Variants in BIRC6 observed in about 807,000 individuals in gnomAD.
BIRC6 encodes the protein dual E2 ubiquitin-conjugating enzyme/E3 ubiquitin-protein ligase BIRC6.
BIRC6 carries 98 observed loss-of-function variants against 503.3 expected under a neutral mutation model. That is an observed-to-expected ratio of 0.19 (90% CI 0.17 to 0.23). The LOEUF is 0.23. Among genes scored for constraint, BIRC6 ranks in the 10% least tolerant of loss-of-function variants. BIRC6 has a pLI of 1.00. For synonymous variants in BIRC6, 2,240 were observed against 2,078.7 expected, an observed-to-expected ratio of 1.08 and a Z score of -2.11; for missense variants, 5,360 against 5,806.0, an observed-to-expected ratio of 0.92 and a Z score of 2.50.
intron 55 of BIRC6, among the ~76,000 whole-genome samples, chr2:32,516,594 A>AG (rs1432639697): frequency 5.8e-5 from 1 of 17,122 alleles, no homozygotes; most frequent in Non-Finnish European, 1.4e-4. Flanking sequence ...ACTCCATCTC[A>AG]AAAAAAAAAA....
chr2:32,375,077 A>G (rs2036548819), intron 1 of BIRC6, among the ~76,000 whole-genome samples: 1 of 152,214 alleles, frequency 6.6e-6, no homozygotes, highest in South Asian at 2.1e-4. Flanking sequence ...GTGTATATGT[A>G]TGTCTAAGTA....
intron 39 of BIRC6, among the ~76,000 whole-genome samples, chr2:32,484,644 C>T (rs2050798921): frequency 6.6e-6 from 1 of 150,662 alleles, no homozygotes. Context: ...TTTTTTTATT[C>T]AGTGAATTAT....
At chr2:32,375,044 T>C (rs1241519051) in intron 1 of BIRC6, among the ~76,000 whole-genome samples, 1 of 152,208 alleles carries the variant, frequency 6.6e-6, no homozygotes, top group East Asian at 1.9e-4. Flanking sequence ...TTTTATACTT[T>C]TCAGCATACA....
intron 21 of BIRC6, 26 bp downstream of exon 21, chr2:32,445,694 T>A: frequency 6.9e-7 from 1 of 1,444,912 alleles, no homozygotes; most frequent in Non-Finnish European, 9.2e-7. Flanking sequence ...TAATGACTAA[T>A]AATAGGCGTC....
At chr2:32,494,197 A>G (rs949738054) in intron 45 of BIRC6, among the ~76,000 whole-genome samples, 2 of 151,582 alleles carry the variant, frequency 1.3e-5, no homozygotes, top group African/African-American at 4.8e-5. Context: ...TTTATTCTAT[A>G]TTTCTTAAAA....
chr2:32,401,109 C>G (rs2040557913), intron 6 of BIRC6, 54 bp from the exon 7 acceptor site: 1 of 1,475,358 alleles, frequency 6.8e-7, no homozygotes, highest in Admixed American at 1.8e-5. Flanking sequence ...TTTTAATGTA[C>G]AAACTGAATT....
chr2:32,372,098 G>A (rs114006083), intron 1 of BIRC6, among the ~76,000 whole-genome samples: 11 of 152,054 alleles, frequency 7.2e-5, no homozygotes, highest in African/African-American at 1.7e-4. Context: ...AAGGCATTGC[G>A]CTTGGGTGTG....
rs756908298 is a variant in BIRC6, at chr2:32,477,627, A to T, written c.7068+44A>T. ...TAGACTTACAGGGTTGGCCGGGCGCAGTGGCTCATGCCTGTAATCCCAGCA... is the reference window on the plus strand; with the variant it reads ...TAGACTTACAGGGTTGGCCGGGCGCTGTGGCTCATGCCTGTAATCCCAGCA... On this transcript the variant is annotated intron_variant, in intron 35 of 73. Transcript: ENST00000421745. 11 of 1,486,852 alleles carry T rather than the reference A, an allele frequency of 7.4e-6. 1 individual carries two copies. Among genetic ancestry groups the T allele is most frequent in the Non-Finnish European group, 9.2e-6 (10 of 1,081,416 alleles). The allele number at this position is 1,486,852 out of a possible 1,614,324, so 92.1% of individuals were successfully genotyped here.
At chr2:32,538,041 G>T (rs1341396852) in intron 61 of BIRC6, among the ~76,000 whole-genome samples, 1 of 151,974 alleles carries the variant, frequency 6.6e-6, no homozygotes, top group Non-Finnish European at 1.5e-5. Context: ...AAATTAAAGA[G>T]GATTTTAACA....
At chr2:32,502,209 G>A (rs1405468020) in intron 47 of BIRC6, among the ~76,000 whole-genome samples, 5 of 152,092 alleles carry the variant, frequency 3.3e-5, no homozygotes, top group African/African-American at 9.7e-5. Flanking sequence ...CTCCATAGAT[G>A]TTATGTAAGA....
intron 35 of BIRC6, among the ~76,000 whole-genome samples, chr2:32,478,144 A>G (rs1244020979): frequency 6.6e-6 from 1 of 151,994 alleles, no homozygotes; most frequent in Non-Finnish European, 1.5e-5. Context: ...TGAGACCATC[A>G]TGGCCAACAT....
At chr2:32,545,937 GAATT>G in intron 63 of BIRC6, 77 bp downstream of exon 63, 2 of 1,324,150 alleles carry the variant, frequency 1.5e-6, no homozygotes, top group East Asian at 2.5e-5. Flanking sequence ...GTTTTTTTCT[GAATT>G]AATCTTTCAG....
intron 23 of BIRC6, among the ~76,000 whole-genome samples, chr2:32,459,593 G>A (rs1317328903): frequency 6.6e-6 from 1 of 151,926 alleles, no homozygotes; most frequent in Non-Finnish European, 1.5e-5. Flanking sequence ...TTAAAATTTA[G>A]GGCCTTTATG....
At chr2:32,482,300 G>T in intron 38 of BIRC6, 129 bp from the exon 39 acceptor site, 2 of 926,588 alleles carry the variant, frequency 2.2e-6, no homozygotes, top group Non-Finnish European at 3.2e-6. Context: ...ATTATAAGGG[G>T]ATTTGGGAAA....
rs1491344127 is a variant in BIRC6 at position 32,385,232 on chromosome 2, A to ATAT, written c.646-3513_646-3511dup. Among the ~76,000 whole-genome samples the ATAT allele has an allele frequency of 3.9e-5, 6 of 152,202 alleles. No homozygotes were observed. In the East Asian group the frequency reaches 1.2e-3, roughly 29 times the overall value. ...TCAGGGCCAAGAGTATTTTCCCCTC[A>ATAT]TATTATTTCATCATAAGGAGTTCCC... On this transcript the variant is annotated intron_variant, in intron 3 of 73. Transcript: ENST00000421745.
At chr2:32,421,403 C>G (rs549392592) in intron 10 of BIRC6, among the ~76,000 whole-genome samples, 1 of 152,228 alleles carries the variant, frequency 6.6e-6, no homozygotes, top group East Asian at 1.9e-4. Flanking sequence ...CCGCGCTGGC[C>G]TTCTTTAGTT....
Position 32,452,818 on chromosome 2 carries a change from G to A in BIRC6, c.4619-990G>A, listed in dbSNP as rs556334726. ...TAGAATATAGTCTTCGTGAGGACTG[G>A]GACTTACCTTTTATTCTTCTGTCTC... On this transcript the variant is annotated intron_variant, in intron 22 of 73. Transcript: ENST00000421745. 3.6e-4 allele frequency among the ~76,000 whole-genome samples: 55 copies of A among 152,132 alleles called. 1 individual carries two copies. Among genetic ancestry groups the A allele is most frequent in the African/African-American group, 1.3e-3 (54 of 41,526 alleles).
chr2:32,447,501 G>A (rs1435345166), intron 21 of BIRC6, among the ~76,000 whole-genome samples: 5 of 136,218 alleles, frequency 3.7e-5, no homozygotes, highest in African/African-American at 1.4e-4. Context: ...CCTCCCTCCC[G>A]GACGGGGCGG....
At position 32,618,072 on chromosome 2, in the gene BIRC6, A is replaced by G; in HGVS notation, c.*168A>G. 1.6e-6 allele frequency: 1 copy of G among 613,634 alleles called. No individual in the cohort carries two copies. The highest frequency in any genetic ancestry group is 2.5e-6 in the Non-Finnish European group (1 of 396,202). 38.0% of individuals were successfully genotyped at this position (613,634 alleles called of 1,614,324 possible). A position where few individuals can be genotyped will look rare whatever the true frequency, so the allele number is the denominator to read the frequency against. On this transcript the variant is annotated 3_prime_UTR_variant, in exon 74 of 74. Coordinates refer to ENST00000421745, the MANE Select transcript of BIRC6 (RefSeq NM_016252.4). ...AAGGTGATCTTTTATTTACCTGTAC[A>G]GGAGTGTAAACTTTTTTGTGCTTTT...
Sources: allele counts gnomAD v4.1 joint callset (sites outside exome capture counted in the v4.1 genomes callset), GRCh38; gene constraint gnomAD v4.1.1; transcripts MANE v1.5; gene names NCBI Gene and HGNC (gene_info 2026-07-23, HGNC 2026-07-21).